PCDHA1: variants seen among roughly 807,000 people sequenced by gnomAD.
PCDHA1 encodes the protein protocadherin alpha-1.
PCDHA1 carries 42 observed loss-of-function variants against 61.3 expected under a neutral mutation model. That is an observed-to-expected ratio of 0.69 (90% CI 0.54 to 0.89). The LOEUF (loss-of-function observed/expected upper bound fraction) is 0.89. Ranked by LOEUF, PCDHA1 falls within the 40% of genes least tolerant of loss-of-function variation. The pLI is 0.00. For missense variants in PCDHA1, 1,256 were observed against 1,235.3 expected (o/e 1.02, Z -0.25); for synonymous variants, 610 against 553.8 (o/e 1.10, Z -1.43).
rs545349225 is a variant in PCDHA1, at chr5:140,969,608, C to T, written c.2395-9341C>T. On this transcript the variant is annotated intron_variant, in intron 1 of 3. Coordinates refer to ENST00000504120, the MANE Select transcript of PCDHA1 (RefSeq NM_018900.4). ...AGTCTTAATATTTAATGCTAAAACA[C>T]AGATTTGTAGAGAAACAGGACAGGC... 646 of 747,324 alleles carry T rather than the reference C, an allele frequency of 8.6e-4. 1 individual carries two copies. Among genetic ancestry groups the T allele is most frequent in the Middle Eastern group, 3.2e-3 (8 of 2,532 alleles). The allele number at this position is 747,324 out of a possible 1,614,324, so 46.3% of individuals were successfully genotyped here. A position where few individuals can be genotyped will look rare whatever the true frequency, so the allele number is the denominator to read the frequency against.
intron 3 of PCDHA1, among the ~76,000 whole-genome samples, chr5:141,000,713 C>G (rs570396356): frequency 6.6e-6 from 1 of 151,652 alleles, no homozygotes; most frequent in Non-Finnish European, 1.5e-5. Context: ...CAGGCATGAG[C>G]CACTGTGCCT....
chr5:140,897,613 A>C (rs1252972033), intron 1 of PCDHA1, among the ~76,000 whole-genome samples: 2 of 152,052 alleles, frequency 1.3e-5, no homozygotes, highest in Non-Finnish European at 2.9e-5. Flanking sequence ...GTTGGTTCCA[A>C]GTCTTTACTA....
intron 1 of PCDHA1, among the ~76,000 whole-genome samples, chr5:140,885,076 A>G (rs1032982957): frequency 1.3e-5 from 2 of 152,226 alleles, no homozygotes; most frequent in African/African-American, 4.8e-5. Context: ...ATTATTTTAA[A>G]GAGCCCCATA....
intron 1 of PCDHA1, chr5:140,841,712 C>T (rs1444200684): frequency 9.9e-6 from 16 of 1,613,754 alleles, no homozygotes; most frequent in Non-Finnish European, 1.4e-5. Flanking sequence ...TGACAACCCG[C>T]CAGTGTTCCG....
chr5:140,843,635 T>C (rs1554140305), intron 1 of PCDHA1: 2 of 1,595,882 alleles, frequency 1.3e-6, no homozygotes, highest in Non-Finnish European at 1.7e-6. Flanking sequence ...CCTCATGGCC[T>C]TCAGCCCCTG....
chr5:140,883,377 C>T lies in PCDHA1; in HGVS notation c.2394+94693C>T, dbSNP rs1436655611. On this transcript the variant is annotated intron_variant, in intron 1 of 3. Coordinates refer to ENST00000504120, the MANE Select transcript of PCDHA1 (RefSeq NM_018900.4). ...GACACTCAGCCTAGCGCCATTATTG[C>T]CCTAATCAGTGTGTCCGATCGTGAC... The T allele has an allele frequency of 1.5e-5, 25 of 1,614,054 alleles. No individual in the cohort carries two copies. Among genetic ancestry groups the T allele is most frequent in the Non-Finnish European group, 2.0e-5 (24 of 1,180,036 alleles).
intron 3 of PCDHA1, among the ~76,000 whole-genome samples, chr5:140,995,133 T>C (rs1397108502): frequency 6.6e-6 from 1 of 152,230 alleles, no homozygotes; most frequent in Non-Finnish European, 1.5e-5. Flanking sequence ...TGAAACCTCA[T>C]TTAGTACTGA....
intron 1 of PCDHA1, chr5:140,850,083 C>G: frequency 6.3e-7 from 1 of 1,596,622 alleles, no homozygotes; most frequent in Non-Finnish European, 8.6e-7. Context: ...GGAGCTGGAG[C>G]TGCTACAGTT....
At chr5:140,828,013 T>A in intron 1 of PCDHA1, 1 of 1,508,370 alleles carries the variant, frequency 6.6e-7, no homozygotes, top group Admixed American at 2.2e-5. Flanking sequence ...AAGAAATGGA[T>A]TAATAAATTC....
intron 1 of PCDHA1, chr5:140,926,750 G>T: frequency 8.0e-7 from 1 of 1,256,516 alleles, no homozygotes; most frequent in East Asian, 2.9e-5. Context: ...AACGTCGGCG[G>T]TCGCTGAGTA....
intron 3 of PCDHA1, among the ~76,000 whole-genome samples, chr5:140,991,358 A>G (rs1417256360): frequency 6.6e-6 from 1 of 152,234 alleles, no homozygotes; most frequent in African/African-American, 2.4e-5. Context: ...AAGACTATTT[A>G]CTGTCTGAGT....
At chr5:140,892,666 A>G (rs2063614919) in intron 1 of PCDHA1, among the ~76,000 whole-genome samples, 1 of 152,170 alleles carries the variant, frequency 6.6e-6, no homozygotes, top group Admixed American at 6.6e-5. Flanking sequence ...TGACATTTTG[A>G]TACATATATA....
At chr5:140,789,769 T>C (rs1181389706) in intron 1 of PCDHA1, among the ~76,000 whole-genome samples, 2 of 152,038 alleles carry the variant, frequency 1.3e-5, no homozygotes, top group Admixed American at 1.3e-4. Context: ...GTGAAGACTT[T>C]CGTCACATTT....
At chr5:140,869,986 G>T (rs781968863) in intron 1 of PCDHA1, 4 of 1,613,322 alleles carry the variant, frequency 2.5e-6, no homozygotes, top group Admixed American at 1.7e-5. Context: ...ATTTACACTA[G>T]ATCAAAATAA....
At chr5:140,978,486 G>T (rs1289847782) in intron 1 of PCDHA1, among the ~76,000 whole-genome samples, 1 of 152,248 alleles carries the variant, frequency 6.6e-6, no homozygotes, top group Admixed American at 6.5e-5. Flanking sequence ...AGTCTGCAAA[G>T]CCAGCAGCAG....
intron 1 of PCDHA1, chr5:140,836,027 C>G: frequency 6.2e-7 from 1 of 1,613,456 alleles, no homozygotes; most frequent in Non-Finnish European, 8.5e-7. Context: ...TGGGCAGCAA[C>G]GTGACGCTGC....
At chr5:140,809,291 A>G (rs782054971) in intron 1 of PCDHA1, 3 of 1,613,936 alleles carry the variant, frequency 1.9e-6, no homozygotes, top group African/African-American at 1.3e-5. Context: ...ATACCTGATC[A>G]TTGCCATCTG....
intron 1 of PCDHA1, among the ~76,000 whole-genome samples, chr5:140,890,853 C>T (rs1202284942): frequency 1.3e-5 from 2 of 152,058 alleles, no homozygotes; most frequent in Non-Finnish European, 2.9e-5. Flanking sequence ...GTTTCTCTTC[C>T]TTACTTCTTG....
chr5:140,905,158 T>C (rs2071634583), intron 1 of PCDHA1, among the ~76,000 whole-genome samples: 1 of 152,256 alleles, frequency 6.6e-6, no homozygotes, highest in South Asian at 2.1e-4. Context: ...TTTAGAATTT[T>C]CATGGTTTCA....
Sources: gnomAD v4.1 joint callset for allele counts (sites outside exome capture counted in the v4.1 genomes callset) on GRCh38, gnomAD v4.1.1 for gene constraint, MANE v1.5 for transcripts, NCBI Gene and HGNC (gene_info 2026-07-23, HGNC 2026-07-21) for gene names.